Variants in MAP3K4 observed in about 807,000 individuals in gnomAD.
MAP3K4 encodes mitogen-activated protein kinase kinase kinase 4.
Under a neutral mutation model 185.6 loss-of-function variants are expected in MAP3K4, and 67 were observed. The observed-to-expected ratio is 0.36, with a 90% CI of 0.30 to 0.44. The LOEUF (loss-of-function observed/expected upper bound fraction) is 0.44, where lower values mean the gene tolerates loss of function less well. Ranked by LOEUF, MAP3K4 falls within the 20% of genes least tolerant of loss-of-function variation. The probability of loss-of-function intolerance (pLI) is 1.00; values close to 1 mark genes in which losing one functional copy is unlikely to be tolerated. For missense variants in MAP3K4, 1,551 were observed against 1,995.1 expected, an observed-to-expected ratio of 0.78 and a Z score of 4.24; for synonymous variants, 702 against 710.4, an observed-to-expected ratio of 0.99 and a Z score of 0.19.
chr6:161,034,755 C>T lies in MAP3K4; in HGVS notation c.343+306C>T, dbSNP rs1783086098. Among the ~76,000 whole-genome samples, 1 of 152,098 alleles carries T rather than the reference C, an allele frequency of 6.6e-6. No individual in the cohort carries two copies. Among genetic ancestry groups the T allele is most frequent in the Admixed American group, 6.6e-5 (1 of 15,256 alleles). On this transcript the variant is annotated intron_variant, in intron 2 of 26. Coordinates refer to ENST00000392142, the MANE Select transcript of MAP3K4 (RefSeq NM_005922.4). The surrounding 1 kb of genome is among the most constrained non-coding windows in gnomAD (Gnocchi z 4.4). The stretch of plus-strand genomic sequence containing the variant: ...GCAACTGGTTACATGGGATAGATGG[C>T]CTTCTATTCTTTCAGTCTCTTAGGC...
Position 161,053,320 on chromosome 6 carries a change from G to A in MAP3K4, c.1707+3341G>A, listed in dbSNP as rs1326142864. Among the ~76,000 whole-genome samples the A allele has an allele frequency of 6.6e-6, 1 of 152,126 alleles. No individual in the cohort carries two copies. Among genetic ancestry groups the A allele is most frequent in the Non-Finnish European group, 1.5e-5 (1 of 68,022 alleles). On this transcript the variant is annotated intron_variant, in intron 3 of 26. Coordinates refer to ENST00000392142, the MANE Select transcript of MAP3K4 (RefSeq NM_005922.4). The surrounding 1 kb of genome is among the most constrained non-coding windows in gnomAD (Gnocchi z 4.2). ...GGTACTAAACGGTCACCTCCCACCA[G>A]GCCCCACCCCCAACATTGGGGATTA...
chr6:160,991,983 C>T lies in MAP3K4; in HGVS notation c.52C>T (p.Pro18Ser), dbSNP rs1780723166. 1 of 1,546,422 alleles carries T rather than the reference C, an allele frequency of 6.5e-7. No individual in the cohort carries two copies. Among genetic ancestry groups the T allele is most frequent in the East Asian group, 2.5e-5 (1 of 40,418 alleles). Residue 18 changes from proline (P) to serine (S), a missense_variant, in exon 1 of 27, where the codon CCT becomes TCT. This residue lies in a region of MAP3K4 where 287 missense variants were observed against 268.8 expected (regional missense o/e 1.07). Coordinates refer to ENST00000392142, the MANE Select transcript of MAP3K4 (RefSeq NM_005922.4). The surrounding 1 kb of genome is among the most constrained non-coding windows in gnomAD (Gnocchi z 5.7). Reference sequence around the variant, plus strand: ...CCCTCCTCCCGCCTTTGCCGTCACGCCTGCCGCCGCCATGGAGGAGCCGCC... The same window carrying T: ...CCCTCCTCCCGCCTTTGCCGTCACGTCTGCCGCCGCCATGGAGGAGCCGCC... ...LVPPPAFAVT[P>S]AAAMEEPPPP...
chr6:161,095,665 A>G (rs1777532942), intron 15 of MAP3K4, among the ~76,000 whole-genome samples: 1 of 152,186 alleles, frequency 6.6e-6, no homozygotes, highest in Non-Finnish European at 1.5e-5. Context: ...TGTTCTTTTC[A>G]TTGGCCACAC....
chr6:161,025,840 A>G (rs573148673), intron 1 of MAP3K4, among the ~76,000 whole-genome samples: 88 of 152,298 alleles, frequency 5.8e-4, no homozygotes, highest in African/African-American at 2.1e-3. Flanking sequence ...TGTCTTTGGC[A>G]TAAGCCCCTT....
At chr6:160,994,030 AG>A (rs1780875216) in intron 1 of MAP3K4, among the ~76,000 whole-genome samples, 1 of 152,060 alleles carries the variant, frequency 6.6e-6, no homozygotes, top group Non-Finnish European at 1.5e-5. Context: ...TAAAAGATGT[AG>A]GGGGTCTATC....
At position 161,114,082 on chromosome 6, in the gene MAP3K4, T is replaced by A. The variant is rs1334852752; in HGVS notation, c.4627-1041T>A. Among the ~76,000 whole-genome samples, 6 of 152,180 alleles carry A rather than the reference T, an allele frequency of 3.9e-5. No homozygotes were observed. The East Asian group carries it at 1.2e-3, about 29-fold the overall frequency. ...AGTGCTGAGTGACATTTTTAAAGAT[T>A]GAGAATACTATCTTTTAGAGAGTAT... On this transcript the variant is annotated intron_variant, in intron 25 of 26. Transcript: ENST00000392142. This position sits in a 1 kb window ranked among gnomAD's most constrained non-coding sequence, Gnocchi z 4.3.
At chr6:161,042,160 T>C (rs1242369359) in intron 2 of MAP3K4, among the ~76,000 whole-genome samples, 1 of 151,790 alleles carries the variant, frequency 6.6e-6, no homozygotes, top group Non-Finnish European at 1.5e-5. Flanking sequence ...ACTTGAATTA[T>C]ATCTACACAG....
chr6:161,070,649 G>T lies in MAP3K4; in HGVS notation c.1749G>T (p.Val583=). ...ATCCCATGTGGGGTTCAGATTATGTGCAGTTGTCAAGGACACCACCTTCAT... is the reference window on the plus strand; with the variant it reads ...ATCCCATGTGGGGTTCAGATTATGTTCAGTTGTCAAGGACACCACCTTCAT... ...FPDPMWGSDY[V]QLSRTPPSSE... Residue 583 remains valine, a synonymous_variant, in exon 4 of 27, where the codon GTG becomes GTT. Transcript: ENST00000392142. This position sits in a 1 kb window ranked among gnomAD's most constrained non-coding sequence, Gnocchi z 4.5. 1 of 1,613,984 alleles carries T rather than the reference G, an allele frequency of 6.2e-7. No individual in the cohort carries two copies. Among genetic ancestry groups the T allele is most frequent in the Non-Finnish European group, 8.5e-7 (1 of 1,179,962 alleles).
intron 1 of MAP3K4, among the ~76,000 whole-genome samples, chr6:161,021,061 A>G (rs1782363625): frequency 6.6e-6 from 1 of 152,186 alleles, no homozygotes; most frequent in African/African-American, 2.4e-5. Flanking sequence ...CAGTTTACAT[A>G]GCTTTTAATT....
chr6:161,070,635 G>A lies in MAP3K4; in HGVS notation c.1735G>A (p.Gly579Ser). 2.5e-6 allele frequency: 4 copies of A among 1,613,806 alleles called. No homozygotes were observed. The highest frequency in any genetic ancestry group is 3.4e-6 in the Non-Finnish European group (4 of 1,179,954). ...TTCTGAATTTCCAGATCCCATGTGG[G>A]GTTCAGATTATGTGCAGTTGTCAAG... ...EFSEFPDPMWGSDYVQLSRTP... is the reference protein window; with the variant it reads ...EFSEFPDPMWSSDYVQLSRTP... Residue 579 changes from glycine to serine, a missense_variant, in exon 4 of 27, where the codon GGT becomes AGT. Physicochemically the swap from Gly to Ser is moderately conservative, Grantham distance 56. Transcript: ENST00000392142. The surrounding 1 kb of genome is among the most constrained non-coding windows in gnomAD (Gnocchi z 4.5).
Position 160,992,325 on chromosome 6 carries a change from C to G in MAP3K4, c.152+242C>G. On this transcript the variant is annotated intron_variant, in intron 1 of 26. Coordinates refer to ENST00000392142, the MANE Select transcript of MAP3K4 (RefSeq NM_005922.4). ...TTCCGCTCGAGCGTGTTGCCGGCTC[C>G]CCTTCCCTTGTAGACTCCCCCAGCT... is the stretch of plus-strand genomic sequence containing the variant. The G allele has an allele frequency of 9.2e-6, 5 of 541,568 alleles. No homozygotes were observed. In the South Asian group the frequency reaches 1.3e-4, roughly 14 times the overall value. 33.5% of individuals were successfully genotyped at this position (541,568 alleles called of 1,614,324 possible).
intron 19 of MAP3K4, among the ~76,000 whole-genome samples, chr6:161,104,388 T>C (rs1777962906): frequency 7.8e-6 from 1 of 127,510 alleles, no homozygotes; most frequent in Non-Finnish European, 1.6e-5. Flanking sequence ...CACTCTAGCC[T>C]GGGCAACAAG....
At chr6:161,047,320 G>T (rs983420854) in intron 2 of MAP3K4, among the ~76,000 whole-genome samples, 1 of 151,166 alleles carries the variant, frequency 6.6e-6, no homozygotes, top group African/African-American at 2.4e-5. Context: ...CGTGCCTGTG[G>T]TTCTAGCTAC....
chr6:161,063,932 T>G lies in MAP3K4; in HGVS notation c.1708-6676T>G, dbSNP rs1338689032. 6.6e-6 allele frequency among the ~76,000 whole-genome samples: 1 copy of G among 152,200 alleles called. No individual in the cohort carries two copies. Among genetic ancestry groups the G allele is most frequent in the East Asian group, 1.9e-4 (1 of 5,190 alleles). ...ACCACATGGCTCTTGGAACTGTTCATGGTTTTCCCACCACCTCTTCTCTTT... is the reference window on the plus strand; with the variant it reads ...ACCACATGGCTCTTGGAACTGTTCAGGGTTTTCCCACCACCTCTTCTCTTT... On this transcript the variant is annotated intron_variant, in intron 3 of 26. Coordinates refer to ENST00000392142, the MANE Select transcript of MAP3K4 (RefSeq NM_005922.4). The surrounding 1 kb of genome is among the most constrained non-coding windows in gnomAD (Gnocchi z 5.4).
In MAP3K4 at chr6:161,115,655, A is replaced by G. The variant is rs1778560639; in HGVS notation, c.4806+353A>G. Among the ~76,000 whole-genome samples, 1 of 152,220 alleles carries G rather than the reference A, an allele frequency of 6.6e-6. No individual in the cohort carries two copies. Among genetic ancestry groups the G allele is most frequent in the South Asian group, 2.1e-4 (1 of 4,838 alleles). On this transcript the variant is annotated intron_variant, in intron 26 of 26. Coordinates refer to ENST00000392142, the MANE Select transcript of MAP3K4 (RefSeq NM_005922.4). The surrounding 1 kb of genome is among the most constrained non-coding windows in gnomAD (Gnocchi z 6.0). ...ATACTGAGAGCTGTGATAATGGTATATAAGGTTACTCAGAAGAGGAATTTA... is the reference window on the plus strand; with the variant it reads ...ATACTGAGAGCTGTGATAATGGTATGTAAGGTTACTCAGAAGAGGAATTTA...
At chr6:161,105,411 A>C (rs192052491) in intron 19 of MAP3K4, among the ~76,000 whole-genome samples, 1 of 152,204 alleles carries the variant, frequency 6.6e-6, no homozygotes, top group Admixed American at 6.5e-5. Context: ...TTTATTTTAC[A>C]GATTAGGTTT....
At position 161,106,445 on chromosome 6, in the gene MAP3K4, T is replaced by G; in HGVS notation, c.3857-69T>G. ...CTAATATATATTGCTCTATTTTTATTGGTTTGTCTTTTGGAAACTGACTTG... is the reference window on the plus strand; with the variant it reads ...CTAATATATATTGCTCTATTTTTATGGGTTTGTCTTTTGGAAACTGACTTG... On this transcript the variant is annotated intron_variant, in intron 19 of 26. Transcript: ENST00000392142. The surrounding 1 kb of genome is among the most constrained non-coding windows in gnomAD (Gnocchi z 4.9). 1 of 1,110,998 alleles carries G rather than the reference T, an allele frequency of 9.0e-7. No homozygotes were observed. The allele number at this position is 1,110,998 out of a possible 1,614,324, so 68.8% of individuals were successfully genotyped here.
rs1486492478 is a variant in MAP3K4, at chr6:161,074,420, C to G, written c.2097+808C>G. On this transcript the variant is annotated intron_variant, in intron 5 of 26. Coordinates refer to ENST00000392142, the MANE Select transcript of MAP3K4 (RefSeq NM_005922.4). This position sits in a 1 kb window ranked among gnomAD's most constrained non-coding sequence, Gnocchi z 5.0. The stretch of plus-strand genomic sequence containing the variant: ...ACTTTATCTGCCTATTTAAGGCTTA[C>G]TTTCAGGTTTTATTTTTCTCTAGAA... Among the ~76,000 whole-genome samples the G allele has an allele frequency of 6.6e-6, 1 of 152,196 alleles. No homozygotes were observed. Among genetic ancestry groups the G allele is most frequent in the East Asian group, 1.9e-4 (1 of 5,194 alleles).
intron 3 of MAP3K4, among the ~76,000 whole-genome samples, chr6:161,065,485 T>G (rs1784664574): frequency 6.6e-6 from 1 of 152,222 alleles, no homozygotes; most frequent in African/African-American, 2.4e-5. Flanking sequence ...CTTTATAGTG[T>G]ACTTAAAATT....
Sources: allele counts gnomAD v4.1 joint callset (sites outside exome capture counted in the v4.1 genomes callset), GRCh38; gene constraint gnomAD v4.1.1; regional missense constraint gnomAD v4.1.1; non-coding constraint Gnocchi (gnomAD v3.1); transcripts MANE v1.5; gene names NCBI Gene and HGNC (gene_info 2026-07-23, HGNC 2026-07-21).